RAB5B: variants seen among roughly 807,000 people sequenced by gnomAD.
RAB5B encodes the protein ras-related protein Rab-5B.
RAB5B carries 11 observed loss-of-function variants against 28.6 expected under a neutral mutation model. That is an observed-to-expected ratio of 0.38 (90% CI 0.24 to 0.64). RAB5B has a LOEUF of 0.64. Among genes scored for constraint, RAB5B ranks in the 30% least tolerant of loss-of-function variants. RAB5B has a pLI of 0.53. For synonymous variants in RAB5B, 93 were observed against 97.9 expected (o/e 0.95, Z 0.29); for missense variants, 169 against 265.6 (o/e 0.64, Z 2.53).
intron 1 of RAB5B, among the ~76,000 whole-genome samples, chr12:55,979,033 A>G (rs1349075316): frequency 6.6e-6 from 1 of 152,060 alleles, no homozygotes; most frequent in Non-Finnish European, 1.5e-5. Context: ...TTGGCCTCTC[A>G]AAGTGCTGGG....
chr12:55,980,594 A>C (rs1424561322), intron 1 of RAB5B: 1 of 1,598,846 alleles, frequency 6.3e-7, no homozygotes, highest in Non-Finnish European at 8.6e-7. Context: ...AGTTTCGAAA[A>C]ATCGGATTCC....
Position 55,993,464 on chromosome 12 carries a change from C to T in RAB5B, c.*1252C>T, listed in dbSNP as rs2136494667. ...AATTGAGGAGTGTCTCAGGATAGCA[C>T]AGGCCAAGGTAGGGGAGTAAAAAGG... On this transcript the variant is annotated 3_prime_UTR_variant, in exon 6 of 6. Transcript: ENST00000360299. The T allele has an allele frequency of 6.5e-6, 1 of 152,730 alleles. No individual in the cohort carries two copies. Among genetic ancestry groups the T allele is most frequent in the East Asian group, 1.9e-4 (1 of 5,180 alleles). The allele number at this position is 152,730 out of a possible 1,614,324, so 9.5% of individuals were successfully genotyped here. A position where few individuals can be genotyped will look rare whatever the true frequency, so the allele number is the denominator to read the frequency against.
intron 2 of RAB5B, among the ~76,000 whole-genome samples, chr12:55,988,543 G>A (rs1275811721): frequency 2.0e-5 from 3 of 151,880 alleles, no homozygotes; most frequent in African/African-American, 4.8e-5. Flanking sequence ...AGTCTCTGTC[G>A]CCCAGACTGG....
chr12:55,975,434 T>C (rs1005605858), intron 1 of RAB5B, among the ~76,000 whole-genome samples: 5 of 152,180 alleles, frequency 3.3e-5, no homozygotes, highest in African/African-American at 1.2e-4. Flanking sequence ...AACTATGAAG[T>C]ATCTGGGGAA....
intron 1 of RAB5B, chr12:55,980,537 G>A: frequency 6.3e-7 from 1 of 1,587,762 alleles, no homozygotes; most frequent in Non-Finnish European, 8.6e-7. Context: ...GATGTCCCGG[G>A]CCAGGGAACT....
At chr12:55,980,449 CT>C in intron 1 of RAB5B, 1 of 1,591,454 alleles carries the variant, frequency 6.3e-7, no homozygotes, top group Non-Finnish European at 8.6e-7. Context: ...TGTTGGTGTT[CT>C]TTATGTCACA....
intron 1 of RAB5B, chr12:55,980,551 A>C: frequency 6.3e-7 from 1 of 1,593,850 alleles, no homozygotes. Context: ...GGGAACTAAA[A>C]GCCTCATCCA....
intron 1 of RAB5B, among the ~76,000 whole-genome samples, chr12:55,974,347 G>A (rs1373290642): frequency 6.6e-6 from 1 of 152,202 alleles, no homozygotes; most frequent in African/African-American, 2.4e-5. Flanking sequence ...TTGGTGAGTC[G>A]GGAAGGCGGC....
intron 1 of RAB5B, chr12:55,980,770 G>A (rs745501132): frequency 1.0e-4 from 158 of 1,578,048 alleles, no homozygotes; most frequent in Middle Eastern, 1.7e-4. Flanking sequence ...CCGTGATGTC[G>A]TATGCTAGGA....
chr12:55,974,063 C>G (rs1462875974), upstream of RAB5B: 1 of 152,948 alleles, frequency 6.5e-6, no homozygotes, highest in Non-Finnish European at 1.5e-5. Context: ...GAAGGAGGGG[C>G]AGGAGGGTTT....
chr12:55,987,565 C>T (rs373255912), intron 2 of RAB5B, among the ~76,000 whole-genome samples: 21 of 152,186 alleles, frequency 1.4e-4, no homozygotes, highest in African/African-American at 3.1e-4. Context: ...AAACAGAGGC[C>T]GGTCCCAGTG....
rs1172130476 is a variant in RAB5B, at chr12:55,995,100, T to C, written c.*2888T>C. On this transcript the variant is annotated 3_prime_UTR_variant, in exon 6 of 6. Transcript: ENST00000360299. ...CAAAAATGTATGTGCATATTTCTTT[T>C]TTTTTTTTTAATTGAGACGGAGTCT... 1 of 152,068 alleles carries C rather than the reference T, an allele frequency of 6.6e-6. No individual in the cohort carries two copies. Among genetic ancestry groups the C allele is most frequent in the Non-Finnish European group, 1.5e-5 (1 of 68,028 alleles). The allele number at this position is 152,068 out of a possible 1,614,324, so 9.4% of individuals were successfully genotyped here.
intron 1 of RAB5B, among the ~76,000 whole-genome samples, chr12:55,975,901 G>A (rs143138643): frequency 0.019 from 2,843 of 148,740 alleles, 93 homozygotes; most frequent in African/African-American, 0.067. Context: ...ACAGGCGTGC[G>A]CCACCACGCC....
chr12:55,981,066 G>A, intron 1 of RAB5B: 48 of 1,585,376 alleles, frequency 3.0e-5, no homozygotes, highest in Non-Finnish European at 4.2e-5. Context: ...GAAGGGATGG[G>A]GCTATTTATT....
Position 55,995,575 on chromosome 12 carries a change from G to A in RAB5B, c.*3363G>A, listed in dbSNP as rs1890263991. 6.6e-6 allele frequency: 1 copy of A among 152,116 alleles called. No individual in the cohort carries two copies. The highest frequency in any genetic ancestry group is 2.1e-4 in the South Asian group (1 of 4,828). 9.4% of individuals were successfully genotyped at this position (152,116 alleles called of 1,614,324 possible). ...AGTCCACCACAGTCTAAAGGTCGAG[G>A]GAAGGGAAATGAAATAGGATTATGT... On this transcript the variant is annotated 3_prime_UTR_variant, in exon 6 of 6. Coordinates refer to ENST00000360299, the MANE Select transcript of RAB5B (RefSeq NM_002868.4).
At chr12:55,981,043 C>T (rs1253149166) in intron 1 of RAB5B, 24 of 1,610,716 alleles carry the variant, frequency 1.5e-5, no homozygotes, top group Admixed American at 3.3e-5. Flanking sequence ...TGGCGGACAC[C>T]GGGGGAGCCG....
chr12:55,979,168 C>T (rs1889730762), intron 1 of RAB5B, among the ~76,000 whole-genome samples: 1 of 152,064 alleles, frequency 6.6e-6, no homozygotes, highest in African/African-American at 2.4e-5. Flanking sequence ...ACTGAAGTAA[C>T]ATTTGAGCTT....
At chr12:55,986,360 T>C (rs1002194420) in intron 1 of RAB5B, among the ~76,000 whole-genome samples, 2 of 152,080 alleles carry the variant, frequency 1.3e-5, no homozygotes, top group African/African-American at 2.4e-5. Context: ...GGTGGGAGAA[T>C]TGCTTGAACC....
rs1307542276 is a variant in RAB5B at position 55,992,346 on chromosome 12, G to A, written c.*134G>A. 1.3e-6 allele frequency: 1 copy of A among 777,568 alleles called. No homozygotes were observed. Among genetic ancestry groups the A allele is most frequent in the Admixed American group, 2.3e-5 (1 of 43,238 alleles). 48.2% of individuals were successfully genotyped at this position (777,568 alleles called of 1,614,324 possible). A position where few individuals can be genotyped will look rare whatever the true frequency, so the allele number is the denominator to read the frequency against. On this transcript the variant is annotated 3_prime_UTR_variant, in exon 6 of 6. Coordinates refer to ENST00000360299, the MANE Select transcript of RAB5B (RefSeq NM_002868.4). ...GGCTCCCAAGGGCTGCCTCCTGACA[G>A]CTCCGTCATGGCACTTTTTAACGCT...
Sources: gnomAD v4.1 joint callset for allele counts (sites outside exome capture counted in the v4.1 genomes callset) on GRCh38, gnomAD v4.1.1 for gene constraint, MANE v1.5 for transcripts, NCBI Gene and HGNC (gene_info 2026-07-23, HGNC 2026-07-21) for gene names.